RBSN: variants seen among roughly 807,000 people sequenced by gnomAD.
RBSN encodes rabenosyn-5.
In RBSN, 34 loss-of-function variants were observed where a neutral mutation model predicts 60.5. The ratio of observed to expected loss-of-function variants is 0.56; its 90% CI spans 0.43 to 0.75. The LOEUF is 0.75. RBSN is among the 30% of genes least tolerant of loss of function. RBSN has a pLI of 0.00. For missense variants in RBSN, 845 were observed against 986.8 expected (o/e 0.86, Z 1.92); for synonymous variants, 322 against 366.9 (o/e 0.88, Z 1.40).
chr3:15,074,833 G>C lies in RBSN; in HGVS notation c.1304C>G (p.Ala435Gly). 6.2e-7 allele frequency: 1 copy of C among 1,614,212 alleles called. No individual in the cohort carries two copies. The highest frequency in any genetic ancestry group is 8.5e-7 in the Non-Finnish European group (1 of 1,180,048). Residue 435 changes from alanine (A) to glycine (G), a missense_variant, in exon 14 of 14, where the codon GCC (alanine) becomes GGC (glycine). Physicochemically the swap from Ala to Gly is moderately conservative, Grantham distance 60 (BLOSUM62 0). Transcript: ENST00000253699. This position sits in a 1 kb window ranked among gnomAD's most constrained non-coding sequence, Gnocchi z 6.4. ...GEVASLRRGP[A>G]PLRKAEGWLP... ...CCAGCCCTCAGCCTTTCTCAAGGGG[G>C]CAGGGCCCCTGCGGAGAGATGCCAC...
Position 15,084,790 on chromosome 3 carries a change from G to C in RBSN, c.543C>G (p.Leu181=). Residue 181 remains leucine (L), a synonymous_variant, in exon 8 of 14, where the codon CTC becomes CTG. Transcript: ENST00000253699. This position sits in a 1 kb window ranked among gnomAD's most constrained non-coding sequence, Gnocchi z 4.2. ...SIRNRRHHCR[L]CGSIMCKKCM... is the part of the protein sequence containing the mutation. ...ACTTCTTGCACATAATAGACCCGCA[G>C]AGGCGGCAGTGGTGGCGGCGGTTCC... 6 of 1,614,206 alleles carry C rather than the reference G, an allele frequency of 3.7e-6. No homozygotes were observed. In the South Asian group the frequency reaches 6.6e-5, roughly 18 times the overall value.
chr3:15,078,692 G>A (rs2043113790), intron 10 of RBSN, among the ~76,000 whole-genome samples: 1 of 147,884 alleles, frequency 6.8e-6, no homozygotes, highest in African/African-American at 2.5e-5. Context: ...ACTGGGAGGC[G>A]GAGGTTGCAG....
rs1176004222 is a variant in RBSN at position 15,098,284 on chromosome 3, A to C, written c.-500-10T>G. The C allele has an allele frequency of 6.6e-6, 1 of 152,048 alleles. No individual in the cohort carries two copies. Among genetic ancestry groups the C allele is most frequent in the East Asian group, 1.9e-4 (1 of 5,194 alleles). 9.4% of individuals were successfully genotyped at this position (152,048 alleles called of 1,614,324 possible). On this transcript the variant is annotated splice_polypyrimidine_tract_variant and intron_variant, in intron 1 of 13. Transcript: ENST00000253699. ...GGGTTTAGCACAGTACCTGGCACAC[A>C]CAATGAAGCAGCACAATAAAGCTCC...
At chr3:15,095,155 C>T (rs2043620953) in intron 4 of RBSN, among the ~76,000 whole-genome samples, 2 of 151,948 alleles carry the variant, frequency 1.3e-5, no homozygotes, top group Non-Finnish European at 1.5e-5. Context: ...GCTGGGACTA[C>T]AGGCGTGCAC....
In RBSN at chr3:15,085,971, AGGAAGGTAG is replaced by A. The variant is rs753243536; in HGVS notation, c.290-19_290-11del. 1.2e-6 allele frequency: 2 copies of A among 1,609,028 alleles called. No individual in the cohort carries two copies. Among genetic ancestry groups the A allele is most frequent in the Non-Finnish European group, 1.7e-6 (2 of 1,176,660 alleles). On this transcript the variant is annotated splice_polypyrimidine_tract_variant and intron_variant, in intron 5 of 13. Transcript: ENST00000253699. The stretch of plus-strand genomic sequence containing the variant: ...TGGCTTCTCACAGCACCTAGAGGGA[AGGAAGGTAG>A]GGAGACAAATGACTTATAGTTTCTC...
In RBSN at chr3:15,071,199, T is replaced by G. The variant is rs1013264749; in HGVS notation, c.*2583A>C. On this transcript the variant is annotated 3_prime_UTR_variant, in exon 14 of 14. Transcript: ENST00000253699. ...TTTTAGTTACTTACAGATTGCTACC[T>G]GAGGTGATTTGAGGGAAGGGTATGT... 6.6e-6 allele frequency: 1 copy of G among 152,252 alleles called. No individual in the cohort carries two copies. Among genetic ancestry groups the G allele is most frequent in the Non-Finnish European group, 1.5e-5 (1 of 68,044 alleles). The allele number at this position is 152,252 out of a possible 1,614,324, so 9.4% of individuals were successfully genotyped here. A position where few individuals can be genotyped will look rare whatever the true frequency, so the allele number is the denominator to read the frequency against.
intron 1 of RBSN, 91 bp from the exon 2 acceptor site, chr3:15,098,365 TA>T (rs2125192807): frequency 3.3e-5 from 1 of 30,512 alleles, no homozygotes; most frequent in South Asian, 1.7e-3. Flanking sequence ...GCATACACCA[TA>T]AAGAAATCTA....
At position 15,077,235 on chromosome 3, in the gene RBSN, T is replaced by C; in HGVS notation, c.999-71A>G. 2 of 1,328,728 alleles carry C rather than the reference T, an allele frequency of 1.5e-6. No homozygotes were observed. The highest frequency in any genetic ancestry group is 2.3e-5 in the East Asian group (1 of 43,174). The allele number at this position is 1,328,728 out of a possible 1,614,324, so 82.3% of individuals were successfully genotyped here. A position where few individuals can be genotyped will look rare whatever the true frequency, so the allele number is the denominator to read the frequency against. Reference sequence around the variant, plus strand: ...AGAAACAAGGGTGAAAAGTATAACATCTGGAGTTGCCAGGCTTTCATGCCA... The same window carrying C: ...AGAAACAAGGGTGAAAAGTATAACACCTGGAGTTGCCAGGCTTTCATGCCA... On this transcript the variant is annotated intron_variant, in intron 11 of 13. Coordinates refer to ENST00000253699, the MANE Select transcript of RBSN (RefSeq NM_022340.4). This position sits in a 1 kb window ranked among gnomAD's most constrained non-coding sequence, Gnocchi z 4.4.
chr3:15,097,181 T>C (rs1477416322), intron 2 of RBSN, among the ~76,000 whole-genome samples: 5 of 152,104 alleles, frequency 3.3e-5, no homozygotes, highest in Non-Finnish European at 5.9e-5. Flanking sequence ...AGCCATTAAG[T>C]GACAGTTAAG....
Position 15,077,047 on chromosome 3 carries a change from C to T in RBSN, c.1101+15G>A, listed in dbSNP as rs1559341428. The T allele has an allele frequency of 6.2e-7, 1 of 1,613,134 alleles. No individual in the cohort carries two copies. Among genetic ancestry groups the T allele is most frequent in the Admixed American group, 1.7e-5 (1 of 60,016 alleles). ...GGCCAAGTGCAACATTTATGCCAAC[C>T]CAGGATGGCTTTACCTGCACAAAAA... On this transcript the variant is annotated intron_variant, in intron 12 of 13. Transcript: ENST00000253699. This position sits in a 1 kb window ranked among gnomAD's most constrained non-coding sequence, Gnocchi z 4.4.
Position 15,090,387 on chromosome 3 carries a change from G to T in RBSN, c.289+12C>A, listed in dbSNP as rs1437872891. On this transcript the variant is annotated intron_variant, in intron 5 of 13. Coordinates refer to ENST00000253699, the MANE Select transcript of RBSN (RefSeq NM_022340.4). ...ATAACCACTTGCTGAATGAATAAAT[G>T]AATTTTCTTACCAAGCTCCTGGGGT... 1.9e-6 allele frequency: 3 copies of T among 1,611,300 alleles called. No individual in the cohort carries two copies. Among genetic ancestry groups the T allele is most frequent in the East Asian group, 2.2e-5 (1 of 44,872 alleles).
At chr3:15,094,149 T>C (rs1415924132) in intron 4 of RBSN, among the ~76,000 whole-genome samples, 1 of 152,228 alleles carries the variant, frequency 6.6e-6, no homozygotes, top group Non-Finnish European at 1.5e-5. Context: ...TCCGGGAACA[T>C]TCTCTAACCT....
intron 5 of RBSN, among the ~76,000 whole-genome samples, chr3:15,087,199 C>T (rs2043366892): frequency 1.3e-5 from 2 of 152,120 alleles, no homozygotes; most frequent in Non-Finnish European, 2.9e-5. Context: ...CACTGATTTT[C>T]AAGAATACGA....
chr3:15,098,713 T>C (rs2043741605), intron 1 of RBSN, among the ~76,000 whole-genome samples: 1 of 151,392 alleles, frequency 6.6e-6, no homozygotes, highest in South Asian at 2.1e-4. Flanking sequence ...CACAAAACAC[T>C]CCGAACATCT....
rs2043078288 is a variant in RBSN, at chr3:15,077,257, G to A, written c.999-93C>T. On this transcript the variant is annotated intron_variant, in intron 11 of 13. Transcript: ENST00000253699. This position sits in a 1 kb window ranked among gnomAD's most constrained non-coding sequence, Gnocchi z 4.4. ...ACATCTGGAGTTGCCAGGCTTTCATGCCAGGAAGGTGTGTAAAGATGGACA... is the reference window on the plus strand; with the variant it reads ...ACATCTGGAGTTGCCAGGCTTTCATACCAGGAAGGTGTGTAAAGATGGACA... 2 of 1,075,568 alleles carry A rather than the reference G, an allele frequency of 1.9e-6. No individual in the cohort carries two copies. The highest frequency in any genetic ancestry group is 1.8e-5 in the Admixed American group (1 of 55,322). The allele number at this position is 1,075,568 out of a possible 1,614,324, so 66.6% of individuals were successfully genotyped here. A position where few individuals can be genotyped will look rare whatever the true frequency, so the allele number is the denominator to read the frequency against.
chr3:15,093,174 C>T (rs534616909), intron 4 of RBSN, among the ~76,000 whole-genome samples: 2 of 152,316 alleles, frequency 1.3e-5, no homozygotes, highest in Non-Finnish European at 2.9e-5. Flanking sequence ...CAAAACTAAC[C>T]ATGTCATAAC....
chr3:15,091,105 G>A (rs1480702520), intron 4 of RBSN, among the ~76,000 whole-genome samples: 1 of 149,816 alleles, frequency 6.7e-6, no homozygotes, highest in Non-Finnish European at 1.5e-5. Flanking sequence ...AGCTACTTGG[G>A]AGGCTGAGGT....
At chr3:15,094,903 T>C (rs1192603979) in intron 4 of RBSN, among the ~76,000 whole-genome samples, 1 of 152,200 alleles carries the variant, frequency 6.6e-6, no homozygotes, top group Non-Finnish European at 1.5e-5. Flanking sequence ...AGACTTTGAA[T>C]ACAACATCCA....
intron 6 of RBSN, 43 bp downstream of exon 6, chr3:15,085,818 T>C (rs2043323274): frequency 6.8e-7 from 1 of 1,465,298 alleles, no homozygotes; most frequent in Non-Finnish European, 9.6e-7. Context: ...CCCCAGAAAA[T>C]GTGTATTTGT....
Sources: allele counts gnomAD v4.1 joint callset (sites outside exome capture counted in the v4.1 genomes callset), GRCh38; gene constraint gnomAD v4.1.1; non-coding constraint Gnocchi (gnomAD v3.1); transcripts MANE v1.5; gene names NCBI Gene and HGNC (gene_info 2026-07-23, HGNC 2026-07-21).